Variants in HNRNPR observed in about 807,000 individuals in gnomAD.
The protein encoded by HNRNPR is heterogeneous nuclear ribonucleoprotein R.
HNRNPR carries 4 observed loss-of-function variants against 70.3 expected under a neutral mutation model. The ratio of observed to expected loss-of-function variants is 0.06; its 90% confidence interval spans 0.03 to 0.13. The LOEUF (loss-of-function observed/expected upper bound fraction) is 0.13. HNRNPR is among the 10% of genes least tolerant of loss of function. The pLI is 1.00. For missense variants in HNRNPR, 423 were observed against 788.5 expected, an observed-to-expected ratio of 0.54 and a Z score of 5.55; for synonymous variants, 241 against 267.6, an observed-to-expected ratio of 0.90 and a Z score of 0.97.
chr1:23,313,549 C>A lies in HNRNPR; in HGVS notation c.1167+4G>T. 2 of 1,530,928 alleles carry A rather than the reference C, an allele frequency of 1.3e-6. No homozygotes were observed. Among genetic ancestry groups the A allele is most frequent in the Non-Finnish European group, 1.7e-6 (2 of 1,146,586 alleles). 94.8% of individuals were successfully genotyped at this position (1,530,928 alleles called of 1,614,324 possible). A position where few individuals can be genotyped will look rare whatever the true frequency, so the allele number is the denominator to read the frequency against. On this transcript the variant is annotated splice_donor_region_variant and intron_variant, in intron 9 of 10. Coordinates refer to ENST00000302271, the MANE Select transcript of HNRNPR (RefSeq NM_005826.5). ...ATCAAGAACCAAAATTTCAAAATTC[C>A]TACCTTAACAGCTGCTCCTCTGTCT... is the stretch of plus-strand genomic sequence containing the variant.
chr1:23,316,173 G>A (rs974028451), intron 8 of HNRNPR, among the ~76,000 whole-genome samples: 18 of 152,244 alleles, frequency 1.2e-4, no homozygotes, highest in African/African-American at 4.3e-4. Context: ...AACAATAAAG[G>A]AGCTGGATGG....
Position 23,304,951 on chromosome 1 carries a change from C to G in HNRNPR, c.*5503G>C, listed in dbSNP as rs1016019453. On this transcript the variant is annotated 3_prime_UTR_variant, in exon 11 of 11. Coordinates refer to ENST00000302271, the MANE Select transcript of HNRNPR (RefSeq NM_005826.5). ...ACATTATAATGGGATTCACTAAGTA[C>G]AAGTCTACCTACATTATCGAAGAGG... The G allele has an allele frequency of 1.2e-4, 18 of 152,114 alleles. No individual in the cohort carries two copies. The highest frequency in any genetic ancestry group is 3.6e-4 in the African/African-American group (15 of 41,426). 9.4% of individuals were successfully genotyped at this position (152,114 alleles called of 1,614,324 possible).
At chr1:23,323,753 T>A (rs1194554619) in intron 5 of HNRNPR, 21 bp from the exon 6 acceptor site, 1 of 1,604,330 alleles carries the variant, frequency 6.2e-7, no homozygotes, top group East Asian at 2.2e-5. Flanking sequence ...ACCCCCTTAT[T>A]AGAATCCAAC....
At chr1:23,321,420 A>C (rs1645754479) in intron 7 of HNRNPR, 108 bp downstream of exon 7, 2 of 894,530 alleles carry the variant, frequency 2.2e-6, no homozygotes, top group Non-Finnish European at 1.7e-6. Flanking sequence ...TAGATACTTC[A>C]GACCTGAATT....
Position 23,318,570 on chromosome 1 carries a change from C to G in HNRNPR, c.930G>C (p.Met310Ile). Reference sequence around the variant, plus strand: ...TTCCCCACACTTTTACTTTTCCACTCATCAGCCGGCGTCTGGCTTGTGCTG... The same window carrying G: ...TTCCCCACACTTTTACTTTTCCACTGATCAGCCGGCGTCTGGCTTGTGCTG... ...KSAAQARRRL[M>I]SGKVKVWGNV... The change falls in exon 8 of 11, where the codon ATG becomes ATC. Residue 310 changes from methionine (M) to isoleucine (I), a missense_variant. Met to Ile is a conservative substitution (Grantham distance 10). Coordinates refer to ENST00000302271, the MANE Select transcript of HNRNPR (RefSeq NM_005826.5). This position sits in a 1 kb window ranked among gnomAD's most constrained non-coding sequence, Gnocchi z 4.2. The G allele has an allele frequency of 6.2e-7, 1 of 1,614,196 alleles. No individual in the cohort carries two copies. Among genetic ancestry groups the G allele is most frequent in the Non-Finnish European group, 8.5e-7 (1 of 1,180,034 alleles).
At position 23,336,059 on chromosome 1, in the gene HNRNPR, G is replaced by A. The variant is rs367909452; in HGVS notation, c.384+1695C>T. ...GTGAACCCGGGAGGCGGAGCTTGCA[G>A]TGAGCCGAGATCCCGCCACTGCACT... On this transcript the variant is annotated intron_variant, in intron 4 of 10. Transcript: ENST00000302271. 1.1e-4 allele frequency among the ~76,000 whole-genome samples: 14 copies of A among 129,838 alleles called. No homozygotes were observed. The East Asian group carries it at 3.1e-3, about 29-fold the overall frequency. The allele number at this position is 129,838 out of a possible 152,430, so 85.2% of individuals were successfully genotyped here. A position where few individuals can be genotyped will look rare whatever the true frequency, so the allele number is the denominator to read the frequency against.
chr1:23,334,337 C>T (rs1646374754), intron 4 of HNRNPR, among the ~76,000 whole-genome samples: 1 of 150,102 alleles, frequency 6.7e-6, no homozygotes, highest in Non-Finnish European at 1.5e-5. Context: ...CCCAGGTTCA[C>T]GCCCTTTTCC....
At chr1:23,338,004 C>T in intron 3 of HNRNPR, 143 bp from the exon 4 acceptor site, 1 of 628,970 alleles carries the variant, frequency 1.6e-6, no homozygotes, top group East Asian at 2.8e-5. Context: ...CGAGTGGTTA[C>T]TATGTGCCAG....
chr1:23,315,942 G>C (rs1292213265), intron 8 of HNRNPR, among the ~76,000 whole-genome samples: 1 of 152,142 alleles, frequency 6.6e-6, no homozygotes, highest in Admixed American at 6.5e-5. Flanking sequence ...TTTCTATGAT[G>C]AAACGATAAC....
chr1:23,310,457 C>T lies in HNRNPR; in HGVS notation c.1899G>A (p.Lys633=), dbSNP rs1377195858. 2 of 1,592,152 alleles carry T rather than the reference C, an allele frequency of 1.3e-6. No individual in the cohort carries two copies. The highest frequency in any genetic ancestry group is 2.7e-5 in the African/African-American group (2 of 74,360). ...TCATTTTCAAGCCCTTACTTGTCTA[C>T]TTCCACTGTTGCCCATAAGTATCCT... is the stretch of plus-strand genomic sequence containing the variant. ...FYQDTYGQQW[K] Residue 633 remains lysine, a synonymous_variant, in exon 11 of 11, where the codon AAG becomes AAA. Coordinates refer to ENST00000302271, the MANE Select transcript of HNRNPR (RefSeq NM_005826.5). This position sits in a 1 kb window ranked among gnomAD's most constrained non-coding sequence, Gnocchi z 6.0.
intron 6 of HNRNPR, 108 bp downstream of exon 6, chr1:23,323,448 C>T: frequency 9.4e-7 from 1 of 1,058,270 alleles, no homozygotes; most frequent in South Asian, 1.7e-5. Flanking sequence ...AAAAACATTC[C>T]AAGCAACAAC....
Position 23,314,519 on chromosome 1 carries a change from A to C in HNRNPR, c.1018-817T>G, listed in dbSNP as rs567463462. The stretch of plus-strand genomic sequence containing the variant: ...AAATAACAAAAAGCTCAACAACTGA[A>C]TAGAAAAATAGGCAAAATTCCTGAA... On this transcript the variant is annotated intron_variant, in intron 8 of 10. Transcript: ENST00000302271. 2.0e-5 allele frequency among the ~76,000 whole-genome samples: 3 copies of C among 152,350 alleles called. No individual in the cohort carries two copies. The South Asian group carries it at 6.2e-4, about 32-fold the overall frequency.
Position 23,309,146 on chromosome 1 carries a change from A to C in HNRNPR, c.*1308T>G, listed in dbSNP as rs1298211331. ...TGGGCATCAGGGATAGCAGATAAAT[A>C]AAAATAAACGAAGTGTTAACAGAAA... On this transcript the variant is annotated 3_prime_UTR_variant, in exon 11 of 11. Transcript: ENST00000302271. The C allele has an allele frequency of 3.9e-5, 6 of 152,144 alleles. No homozygotes were observed. In the East Asian group the frequency reaches 1.2e-3, roughly 29 times the overall value. 9.4% of individuals were successfully genotyped at this position (152,144 alleles called of 1,614,324 possible).
intron 5 of HNRNPR, among the ~76,000 whole-genome samples, chr1:23,329,170 T>C (rs1277293977): frequency 6.6e-6 from 1 of 151,780 alleles, no homozygotes; most frequent in East Asian, 1.9e-4. Context: ...GCCAATAAAG[T>C]CCCCAATACT....
chr1:23,315,290 A>C (rs547858742), intron 8 of HNRNPR, among the ~76,000 whole-genome samples: 20 of 150,686 alleles, frequency 1.3e-4, no homozygotes, highest in Non-Finnish European at 2.1e-4. Context: ...AAAAAAAAAA[A>C]AAAAAAAAAA....
intron 2 of HNRNPR, 110 bp from the exon 3 acceptor site, chr1:23,338,718 T>G (rs1570122860): frequency 3.7e-6 from 2 of 534,506 alleles, no homozygotes; most frequent in Non-Finnish European, 6.7e-6. Flanking sequence ...TAACAAACTG[T>G]ATTTTCATTT....
chr1:23,334,629 G>A (rs12083279), intron 4 of HNRNPR, among the ~76,000 whole-genome samples: 17,866 of 152,136 alleles, frequency 0.12, 3,475 homozygotes, highest in African/African-American at 0.4. Context: ...CAAGAATCAG[G>A]TAATCAGACA....
At chr1:23,320,909 G>A (rs1367667776) in intron 7 of HNRNPR, among the ~76,000 whole-genome samples, 1 of 152,160 alleles carries the variant, frequency 6.6e-6, no homozygotes, top group Non-Finnish European at 1.5e-5. Context: ...GCTCACGCCT[G>A]TAATCCCAGC....
chr1:23,314,007 G>GGGAC (rs1376027116), intron 8 of HNRNPR, among the ~76,000 whole-genome samples: 1 of 151,938 alleles, frequency 6.6e-6, no homozygotes, highest in African/African-American at 2.4e-5. Context: ...TTCAAAACAA[G>GGGAC]TTTTTCTGTT....
Sources: gnomAD v4.1 joint callset for allele counts (sites outside exome capture counted in the v4.1 genomes callset) on GRCh38, gnomAD v4.1.1 for gene constraint, Gnocchi (gnomAD v3.1) non-coding constraint, MANE v1.5 for transcripts, NCBI Gene and HGNC (gene_info 2026-07-23, HGNC 2026-07-21) for gene names.